CCDC81: variants seen among roughly 807,000 people sequenced by gnomAD.
CCDC81 encodes coiled-coil domain-containing protein 81.
CCDC81 carries 79 observed loss-of-function variants against 83.7 expected under a neutral mutation model. That is an observed-to-expected ratio of 0.94 (90% CI 0.79 to 1.14). The LOEUF (loss-of-function observed/expected upper bound fraction) is 1.14. Ranked by LOEUF, CCDC81 falls within the 50% of genes most tolerant of loss-of-function variation. The pLI is 0.00. For synonymous variants in CCDC81, 252 were observed against 278.1 expected, an observed-to-expected ratio of 0.91 and a Z score of 0.93; for missense variants, 791 against 778.1, an observed-to-expected ratio of 1.02 and a Z score of -0.20.
intron 2 of CCDC81, among the ~76,000 whole-genome samples, 173 bp downstream of exon 2, chr11:86,386,285 G>T (rs529042861): frequency 1.3e-5 from 2 of 152,174 alleles, no homozygotes; most frequent in African/African-American, 4.8e-5. Flanking sequence ...CTCATGTTCG[G>T]ACTTGTGGGT....
intron 13 of CCDC81, among the ~76,000 whole-genome samples, chr11:86,417,853 T>G (rs1948742393): frequency 6.6e-6 from 1 of 151,986 alleles, no homozygotes; most frequent in Non-Finnish European, 1.5e-5. Context: ...GTTCAAGTGA[T>G]TCTCATGCCT....
At chr11:86,385,418 G>A (rs1240882294) in intron 1 of CCDC81, among the ~76,000 whole-genome samples, 1 of 152,152 alleles carries the variant, frequency 6.6e-6, no homozygotes, top group East Asian at 1.9e-4. Context: ...CATACTATTA[G>A]TATTTGTTAT....
chr11:86,409,571 C>A (rs1004586605), intron 10 of CCDC81, among the ~76,000 whole-genome samples: 6 of 152,192 alleles, frequency 3.9e-5, no homozygotes, highest in African/African-American at 7.2e-5. Context: ...CCTGCCTCAG[C>A]CTCCCGAGTA....
At chr11:86,406,014 C>T (rs368158400) in intron 7 of CCDC81, among the ~76,000 whole-genome samples, 4 of 152,152 alleles carry the variant, frequency 2.6e-5, no homozygotes, top group African/African-American at 4.8e-5. Flanking sequence ...CCACCTGCCT[C>T]GGCCTCCCAA....
At chr11:86,386,446 T>C (rs1948242434) in intron 2 of CCDC81, among the ~76,000 whole-genome samples, 1 of 152,234 alleles carries the variant, frequency 6.6e-6, no homozygotes, top group Non-Finnish European at 1.5e-5. Context: ...GTTCCTGGCA[T>C]AGCTATAGAA....
chr11:86,416,966 G>A (rs189790911), intron 13 of CCDC81, among the ~76,000 whole-genome samples: 49 of 152,120 alleles, frequency 3.2e-4, no homozygotes, highest in African/African-American at 1.2e-3. Context: ...AAGGTTAGCC[G>A]GGCACGGTGG....
intron 13 of CCDC81, chr11:86,419,599 A>G (rs1312116933): frequency 5.7e-6 from 1 of 175,626 alleles, no homozygotes; most frequent in African/African-American, 2.4e-5. Context: ...GAAACAGAGT[A>G]TAGGAAATCC....
chr11:86,375,465 A>T (rs899409403), intron 1 of CCDC81, among the ~76,000 whole-genome samples: 3 of 152,198 alleles, frequency 2.0e-5, no homozygotes, highest in Admixed American at 2.0e-4. Flanking sequence ...GCACAAAGTA[A>T]GTGCTCAATA....
chr11:86,409,403 C>T (rs200402208), intron 10 of CCDC81, 38 bp downstream of exon 10: 3 of 1,042,962 alleles, frequency 2.9e-6, no homozygotes, highest in Admixed American at 2.5e-5. Flanking sequence ...AACACCTGGC[C>T]CATCTGTGAG....
chr11:86,409,528 C>T (rs559020327), intron 10 of CCDC81, among the ~76,000 whole-genome samples, 163 bp downstream of exon 10: 1 of 152,304 alleles, frequency 6.6e-6, no homozygotes, highest in African/African-American at 2.4e-5. Flanking sequence ...TCTCAGCTCA[C>T]TGCAACTCTG....
chr11:86,387,510 T>C lies in CCDC81; in HGVS notation c.142-6T>C. ...AATTCTGTTTTGTTTTGTTTTTTCC[T>C]TTCAGGGGGTTCAGATTCCAGCATT... On this transcript the variant is annotated splice_region_variant and splice_polypyrimidine_tract_variant and intron_variant, in intron 2 of 14. Transcript: ENST00000445632. 6.2e-7 allele frequency: 1 copy of C among 1,613,684 alleles called. No homozygotes were observed. Among genetic ancestry groups the C allele is most frequent in the South Asian group, 1.1e-5 (1 of 90,990 alleles).
At chr11:86,412,928 G>C (rs1482473305) in intron 11 of CCDC81, among the ~76,000 whole-genome samples, 1 of 152,226 alleles carries the variant, frequency 6.6e-6, no homozygotes, top group Non-Finnish European at 1.5e-5. Context: ...TAGGTGGCTT[G>C]TGTTAGTCAG....
At chr11:86,392,492 G>T in intron 3 of CCDC81, 49 bp from the exon 4 acceptor site, 2 of 1,535,934 alleles carry the variant, frequency 1.3e-6, no homozygotes, top group Non-Finnish European at 1.8e-6. Context: ...ATGTCCTTAT[G>T]GTAATCACCA....
intron 2 of CCDC81, among the ~76,000 whole-genome samples, chr11:86,387,023 G>A (rs1948251616): frequency 6.6e-6 from 1 of 152,114 alleles, no homozygotes; most frequent in African/African-American, 2.4e-5. Context: ...CAGTATGAGA[G>A]GCAAAAACAT....
chr11:86,406,306 C>A (rs1157358083), intron 7 of CCDC81, among the ~76,000 whole-genome samples: 2 of 152,162 alleles, frequency 1.3e-5, no homozygotes, highest in Admixed American at 6.5e-5. Flanking sequence ...ATCTGGTTGT[C>A]ATTCTTTCTT....
At chr11:86,396,788 A>G (rs1948415410) in intron 5 of CCDC81, among the ~76,000 whole-genome samples, 1 of 152,214 alleles carries the variant, frequency 6.6e-6, no homozygotes, top group Admixed American at 6.5e-5. Flanking sequence ...ACTCACTAAA[A>G]ATAAATCAGT....
In CCDC81 at chr11:86,419,790, T is replaced by C. The variant is rs961208439; in HGVS notation, c.1692-138T>C. Reference sequence around the variant, plus strand: ...GGAATTTCAGTATGCTTTTACAGTGTTCATGCTTTTTAGTATATTTCAGAG... The same window carrying C: ...GGAATTTCAGTATGCTTTTACAGTGCTCATGCTTTTTAGTATATTTCAGAG... On this transcript the variant is annotated intron_variant, in intron 13 of 14. Coordinates refer to ENST00000445632, the MANE Select transcript of CCDC81 (RefSeq NM_001156474.2). The C allele has an allele frequency of 9.0e-6, 7 of 777,048 alleles. No individual in the cohort carries two copies. In the African/African-American group the frequency reaches 1.0e-4, roughly 12 times the overall value. The allele number at this position is 777,048 out of a possible 1,614,324, so 48.1% of individuals were successfully genotyped here.
chr11:86,379,521 C>T (rs1298840151), intron 1 of CCDC81, among the ~76,000 whole-genome samples: 2 of 152,200 alleles, frequency 1.3e-5, no homozygotes, highest in Non-Finnish European at 2.9e-5. Context: ...TTTATAATAA[C>T]AAAATCTTAA....
intron 3 of CCDC81, among the ~76,000 whole-genome samples, chr11:86,389,136 T>C (rs1226936071): frequency 6.6e-6 from 1 of 151,976 alleles, no homozygotes; most frequent in Non-Finnish European, 1.5e-5. Context: ...CAAAAAATTA[T>C]TTAAAAAACT....
Sources: allele counts gnomAD v4.1 joint callset (sites outside exome capture counted in the v4.1 genomes callset), GRCh38; gene constraint gnomAD v4.1.1; transcripts MANE v1.5; gene names NCBI Gene and HGNC (gene_info 2026-07-23, HGNC 2026-07-21).